KAZN: variants seen among roughly 807,000 people sequenced by gnomAD.
KAZN encodes kazrin.
KAZN carries 40 observed loss-of-function variants against 87.4 expected under a neutral mutation model. The observed-to-expected ratio is 0.46, with a 90% CI of 0.36 to 0.60. The LOEUF (loss-of-function observed/expected upper bound fraction) is 0.60. Ranked by LOEUF, KAZN falls within the 20% of genes least tolerant of loss-of-function variation. The probability of loss-of-function intolerance (pLI) is 0.00; values close to 1 mark genes in which losing one functional copy is unlikely to be tolerated. For synonymous variants in KAZN, 466 were observed against 458.3 expected, an observed-to-expected ratio of 1.02 and a Z score of -0.22; for missense variants, 898 against 1,073.9, an observed-to-expected ratio of 0.84 and a Z score of 2.29.
At chr1:14,888,382 G>GT (rs935267376) in intron 1 of KAZN, among the ~76,000 whole-genome samples, 7 of 152,178 alleles carry the variant, frequency 4.6e-5, no homozygotes, top group African/African-American at 1.7e-4. Context: ...AGGGCTTCAG[G>GT]AAAGAGAGAG....
chr1:14,586,764 T>A (rs1383203708), intron 2 of KAZN, among the ~76,000 whole-genome samples: 1 of 152,086 alleles, frequency 6.6e-6, no homozygotes, highest in East Asian at 1.9e-4. Flanking sequence ...GATCTCAAAC[T>A]CTCGGGCTCA....
chr1:14,476,358 T>C (rs979150224), intron 2 of KAZN, among the ~76,000 whole-genome samples: 4 of 152,236 alleles, frequency 2.6e-5, no homozygotes, highest in African/African-American at 9.6e-5. Flanking sequence ...TTATCATCCC[T>C]TTGCTTAGTG....
intron 2 of KAZN, among the ~76,000 whole-genome samples, chr1:14,477,526 T>C (rs1364757615): frequency 6.6e-6 from 1 of 152,002 alleles, no homozygotes; most frequent in Non-Finnish European, 1.5e-5. Flanking sequence ...ATTTGTTTTG[T>C]TTATGCTCTG....
intron 1 of KAZN, among the ~76,000 whole-genome samples, chr1:14,855,415 A>C (rs1390826944): frequency 6.6e-6 from 1 of 151,760 alleles, no homozygotes; most frequent in African/African-American, 2.4e-5. Context: ...GCCCAACACC[A>C]CCCCACCAAC....
intron 1 of KAZN, among the ~76,000 whole-genome samples, chr1:14,867,333 G>A (rs1651580487): frequency 6.6e-6 from 1 of 152,204 alleles, no homozygotes; most frequent in Non-Finnish European, 1.5e-5. Flanking sequence ...GGCTGAGAGA[G>A]AAGCAGAGGA....
chr1:14,928,396 C>A (rs1236969807), intron 1 of KAZN, among the ~76,000 whole-genome samples: 3 of 151,752 alleles, frequency 2.0e-5, no homozygotes, highest in Non-Finnish European at 4.4e-5. Context: ...TTGCAGTGAA[C>A]CGAGATCGTG....
At chr1:14,784,097 G>A (rs919845828) in intron 1 of KAZN, among the ~76,000 whole-genome samples, 3 of 152,104 alleles carry the variant, frequency 2.0e-5, no homozygotes, top group African/African-American at 7.2e-5. Context: ...GGTCTGGAAC[G>A]CACAGGGCAG....
rs187815621 is a variant in KAZN, at chr1:15,016,857, G to A, written c.419-17892G>A. ...CCTCACACAGGTCTTCACAGACCAC[G>A]CCACCGGCGGCCCAGGATTCTGTTT... On this transcript the variant is annotated intron_variant, in intron 2 of 14. Transcript: ENST00000376030. Among the ~76,000 whole-genome samples the A allele has an allele frequency of 7.8e-3, 1,186 of 152,232 alleles. 19 individuals are homozygous for A. The highest frequency in any genetic ancestry group is 0.026 in the African/African-American group (1,066 of 41,498).
intron 2 of KAZN, among the ~76,000 whole-genome samples, chr1:14,441,378 A>G (rs1557723897): frequency 1.3e-5 from 2 of 151,748 alleles, no homozygotes; most frequent in South Asian, 2.1e-4. Context: ...CGGCAGCGGC[A>G]GCAGCAGCAG....
intron 1 of KAZN, among the ~76,000 whole-genome samples, chr1:14,896,376 C>T (rs150077690): frequency 1.8e-4 from 27 of 152,272 alleles, no homozygotes; most frequent in South Asian, 1.7e-3. Context: ...TTTTAAAAGA[C>T]GATGAAGGAG....
chr1:14,598,875 G>C lies in KAZN; in HGVS notation c.-123G>C, dbSNP rs1676705483. ...GGCGCTGCCGGTGCCTGGGGGTCGG[G>C]GCGCGGGCGAAGCCGGGCCGCGGAG... is the stretch of plus-strand genomic sequence containing the variant. On this transcript the variant is annotated 5_prime_UTR_variant, in exon 1 of 15. Coordinates refer to ENST00000376030, the MANE Select transcript of KAZN (RefSeq NM_201628.3). The surrounding 1 kb of genome is among the most constrained non-coding windows in gnomAD (Gnocchi z 4.2). 7 of 1,458,634 alleles carry C rather than the reference G, an allele frequency of 4.8e-6. No homozygotes were observed. The highest frequency in any genetic ancestry group is 6.3e-6 in the Non-Finnish European group (7 of 1,113,856). 90.4% of individuals were successfully genotyped at this position (1,458,634 alleles called of 1,614,324 possible). A position where few individuals can be genotyped will look rare whatever the true frequency, so the allele number is the denominator to read the frequency against.
Position 15,021,665 on chromosome 1 carries a change from C to T in KAZN, c.419-13084C>T, listed in dbSNP as rs535530011. On this transcript the variant is annotated intron_variant, in intron 2 of 14. Transcript: ENST00000376030. This position sits in a 1 kb window ranked among gnomAD's most constrained non-coding sequence, Gnocchi z 4.2. ...GTGGTGGCAGGGACAGTGTGCCCTG[C>T]GTGCAGTTAGCACCCTGAAGCCTGC... Among the ~76,000 whole-genome samples the T allele has an allele frequency of 1.3e-5, 2 of 152,270 alleles. No individual in the cohort carries two copies. The highest frequency in any genetic ancestry group is 1.9e-4 in the East Asian group (1 of 5,174).
intron 2 of KAZN, among the ~76,000 whole-genome samples, chr1:14,290,983 C>G (rs928957815): frequency 6.6e-6 from 1 of 152,172 alleles, no homozygotes; most frequent in Admixed American, 6.5e-5. Flanking sequence ...CACTCCAGAC[C>G]CTGTTTGCCT....
chr1:14,934,341 G>A (rs1660196865), intron 1 of KAZN, among the ~76,000 whole-genome samples: 1 of 151,570 alleles, frequency 6.6e-6, no homozygotes, highest in African/African-American at 2.4e-5. Context: ...CGAGTAGCTG[G>A]GATTACAGGC....
chr1:14,871,405 C>A (rs1047275243), intron 1 of KAZN, among the ~76,000 whole-genome samples: 1 of 152,058 alleles, frequency 6.6e-6, no homozygotes, highest in Non-Finnish European at 1.5e-5. Context: ...AGCAAGGGAG[C>A]TGGAGGATGG....
chr1:15,060,124 G>A (rs375198577), intron 5 of KAZN, 48 bp from the exon 6 acceptor site: 350 of 1,610,298 alleles, frequency 2.2e-4, no homozygotes, highest in Admixed American at 4.2e-4. Context: ...CAGCACAGGC[G>A]AGGACGTTCT....
intron 1 of KAZN, among the ~76,000 whole-genome samples, chr1:13,910,100 G>T (rs1639595014): frequency 6.6e-6 from 1 of 152,204 alleles, no homozygotes; most frequent in Middle Eastern, 3.2e-3. Context: ...AATGTTGGAA[G>T]TGTGGCCTGG....
At chr1:14,492,821 G>T (rs1042591230) in intron 2 of KAZN, among the ~76,000 whole-genome samples, 6 of 85,272 alleles carry the variant, frequency 7.0e-5, no homozygotes, top group African/African-American at 2.6e-4. Flanking sequence ...CACATATACC[G>T]CCCATATATC....
rs539418624 is a variant in KAZN at position 14,528,004 on chromosome 1, T to C, written c.250-70979T>C. ...GTAGTGTCTGGTCTAGAATCCTATCTATCTATCTATCTATCTATCTATCTA... is the reference window on the plus strand; with the variant it reads ...GTAGTGTCTGGTCTAGAATCCTATCCATCTATCTATCTATCTATCTATCTA... On this transcript the variant is annotated intron_variant, in intron 2 of 16. Transcript: ENST00000636203. Among the ~76,000 whole-genome samples, 8 of 118,448 alleles carry C rather than the reference T, an allele frequency of 6.8e-5. 1 individual carries two copies. Among genetic ancestry groups the C allele is most frequent in the South Asian group, 5.6e-4 (2 of 3,580 alleles). The allele number at this position is 118,448 out of a possible 152,430, so 77.7% of individuals were successfully genotyped here.
Sources: gnomAD v4.1 joint callset for allele counts (sites outside exome capture counted in the v4.1 genomes callset) on GRCh38, gnomAD v4.1.1 for gene constraint, Gnocchi (gnomAD v3.1) non-coding constraint, MANE v1.5 for transcripts, NCBI Gene and HGNC (gene_info 2026-07-23, HGNC 2026-07-21) for gene names.